Variants in PDE10A observed in about 807,000 individuals in gnomAD.
The protein encoded by PDE10A is phosphodiesterase 10A.
Under a neutral mutation model 97.7 loss-of-function variants are expected in PDE10A, and 39 were observed. The observed-to-expected ratio is 0.40, with a 90% CI of 0.31 to 0.52. PDE10A has a LOEUF of 0.52. Among genes scored for constraint, PDE10A ranks in the 20% least tolerant of loss-of-function variants. The probability of loss-of-function intolerance (pLI) is 0.56; values close to 1 mark genes in which losing one functional copy is unlikely to be tolerated. For missense variants in PDE10A, 731 were observed against 1,047.8 expected, an observed-to-expected ratio of 0.70 and a Z score of 4.17; for synonymous variants, 371 against 376.8, an observed-to-expected ratio of 0.98 and a Z score of 0.18.
intron 1 of PDE10A, among the ~76,000 whole-genome samples, chr6:165,890,542 C>A (rs922728302): frequency 6.6e-6 from 1 of 152,132 alleles, no homozygotes; most frequent in African/African-American, 2.4e-5. Context: ...CTGCTTATGA[C>A]AAAAACATTA....
At chr6:165,700,275 T>C (rs1791535470) in intron 1 of PDE10A, among the ~76,000 whole-genome samples, 1 of 151,866 alleles carries the variant, frequency 6.6e-6, no homozygotes, top group Admixed American at 6.6e-5. Flanking sequence ...AAGATGGTTG[T>C]GTAGGGATGA....
At chr6:165,644,094 C>T (rs1283764752) in intron 1 of PDE10A, among the ~76,000 whole-genome samples, 1 of 152,124 alleles carries the variant, frequency 6.6e-6, no homozygotes, top group East Asian at 1.9e-4. Flanking sequence ...CTCCCTCTGT[C>T]GCCCAGGCTG....
At chr6:165,385,949 C>T (rs1255606636) in intron 17 of PDE10A, among the ~76,000 whole-genome samples, 1 of 152,196 alleles carries the variant, frequency 6.6e-6, no homozygotes. Context: ...AGCACCTTAT[C>T]TTCTCTACGC....
intron 1 of PDE10A, among the ~76,000 whole-genome samples, chr6:165,983,729 C>T (rs1785090573): frequency 6.6e-6 from 1 of 152,208 alleles, no homozygotes; most frequent in African/African-American, 2.4e-5. Flanking sequence ...ATATACTTTT[C>T]TCTGTTTTAC....
At chr6:165,887,982 C>T (rs1256326889) in intron 1 of PDE10A, among the ~76,000 whole-genome samples, 2 of 152,170 alleles carry the variant, frequency 1.3e-5, no homozygotes, top group Non-Finnish European at 2.9e-5. Flanking sequence ...TCCATTCCCT[C>T]TCCTCATTAA....
intron 1 of PDE10A, among the ~76,000 whole-genome samples, chr6:165,794,140 C>G (rs1778747325): frequency 6.6e-6 from 1 of 151,666 alleles, no homozygotes. Flanking sequence ...CACGCTCACA[C>G]TCACTCACAC....
chr6:165,713,127 T>C (rs7753384), intron 1 of PDE10A, among the ~76,000 whole-genome samples: 105,913 of 151,916 alleles, frequency 0.7, 38,352 homozygotes, highest in African/African-American at 0.9. Flanking sequence ...GCTTGAGAAC[T>C]GCTTTCTAGA....
Position 165,388,244 on chromosome 6 carries a change from C to G in PDE10A, c.2610+54G>C. 1.3e-6 allele frequency: 2 copies of G among 1,552,038 alleles called. No homozygotes were observed. Among genetic ancestry groups the G allele is most frequent in the Admixed American group, 1.7e-5 (1 of 59,522 alleles). On this transcript the variant is annotated intron_variant, in intron 17 of 21. Coordinates refer to ENST00000539869, the MANE Select transcript of PDE10A (RefSeq NM_001385079.1). This position sits in a 1 kb window ranked among gnomAD's most constrained non-coding sequence, Gnocchi z 4.0. ...TTCCTTTTCCACCTATGAAGTATCC[C>G]TATCTCCCAGACAGCCCTTCAGACT... is the stretch of plus-strand genomic sequence containing the variant.
At chr6:165,469,934 C>G (rs915351410) in intron 3 of PDE10A, among the ~76,000 whole-genome samples, 13 of 152,156 alleles carry the variant, frequency 8.5e-5, no homozygotes, top group Non-Finnish European at 1.6e-4. Context: ...TGTAAAGAGA[C>G]AGGCTTTCTG....
At chr6:165,740,910 A>G (rs1275330080) in intron 1 of PDE10A, among the ~76,000 whole-genome samples, 1 of 152,150 alleles carries the variant, frequency 6.6e-6, no homozygotes, top group African/African-American at 2.4e-5. Context: ...AAAGCACACA[A>G]AGTTTCAGTC....
chr6:165,884,615 T>C (rs548359932), intron 1 of PDE10A, among the ~76,000 whole-genome samples: 1 of 152,256 alleles, frequency 6.6e-6, no homozygotes, highest in African/African-American at 2.4e-5. Context: ...CACATGGGTT[T>C]GTTTGACTCA....
chr6:165,645,269 A>G lies in PDE10A; in HGVS notation c.865+16678T>C, dbSNP rs1209855004. Among the ~76,000 whole-genome samples, 6 of 152,310 alleles carry G rather than the reference A, an allele frequency of 3.9e-5. No individual in the cohort carries two copies. The East Asian group carries it at 1.2e-3, about 29-fold the overall frequency. On this transcript the variant is annotated intron_variant, in intron 1 of 21. Coordinates refer to ENST00000539869, the MANE Select transcript of PDE10A (RefSeq NM_001385079.1). Reference sequence around the variant, plus strand: ...TCCTGAGCGGGGGCCTGCTGGAACCAGTAACTCGCCTTTTACTGGCTCTCC... The same window carrying G: ...TCCTGAGCGGGGGCCTGCTGGAACCGGTAACTCGCCTTTTACTGGCTCTCC...
chr6:165,636,419 C>T (rs1788879816), intron 1 of PDE10A, among the ~76,000 whole-genome samples: 1 of 152,170 alleles, frequency 6.6e-6, no homozygotes, highest in African/African-American at 2.4e-5. Flanking sequence ...AATGCATATT[C>T]TACTCATGTA....
chr6:165,573,499 G>T (rs1366848391), intron 1 of PDE10A, among the ~76,000 whole-genome samples: 1 of 152,060 alleles, frequency 6.6e-6, no homozygotes, highest in African/African-American at 2.4e-5. Flanking sequence ...CTAAGACAGG[G>T]TTCATTGTCC....
chr6:165,894,908 G>T (rs1781904678), intron 1 of PDE10A, among the ~76,000 whole-genome samples: 1 of 152,214 alleles, frequency 6.6e-6, no homozygotes, highest in African/African-American at 2.4e-5. Flanking sequence ...AACCCATGGA[G>T]CTTTAAATAT....
intron 13 of PDE10A, among the ~76,000 whole-genome samples, chr6:165,412,763 A>C (rs928869234): frequency 3.3e-5 from 5 of 152,126 alleles, no homozygotes; most frequent in African/African-American, 4.8e-5. Flanking sequence ...CAGTTTCTCT[A>C]ATTGATTAAG....
At chr6:165,757,484 CT>C (rs1223406286) in intron 1 of PDE10A, among the ~76,000 whole-genome samples, 1 of 152,004 alleles carries the variant, frequency 6.6e-6, no homozygotes, top group South Asian at 2.1e-4. Context: ...ATAATTCTCA[CT>C]TTTTTTCTAG....
At chr6:165,397,502 G>T (rs2128218750) in intron 13 of PDE10A, among the ~76,000 whole-genome samples, 1 of 152,138 alleles carries the variant, frequency 6.6e-6, no homozygotes, top group Admixed American at 6.5e-5. Flanking sequence ...CTGAGGTCAG[G>T]AGTTCAAGAC....
At chr6:165,987,981 G>A, upstream of PDE10A, 2 of 392,870 alleles carry the variant, frequency 5.1e-6, no homozygotes, top group Non-Finnish European at 1.0e-5. Flanking sequence ...GCGTGCGTGT[G>A]TGTGTGTGTG....
Sources: gnomAD v4.1 joint callset for allele counts (sites outside exome capture counted in the v4.1 genomes callset) on GRCh38, gnomAD v4.1.1 for gene constraint, Gnocchi (gnomAD v3.1) non-coding constraint, MANE v1.5 for transcripts, NCBI Gene and HGNC (gene_info 2026-07-23, HGNC 2026-07-21) for gene names.